The following NUP210 variants were observed in gnomAD, a reference collection of about 807,000 sequenced individuals.
The protein encoded by NUP210 is nuclear pore membrane glycoprotein 210.
NUP210 carries 151 observed loss-of-function variants against 196.0 expected under a neutral mutation model. The observed-to-expected ratio is 0.77, with a 90% CI of 0.67 to 0.88. The LOEUF is 0.88. Among genes scored for constraint, NUP210 ranks in the 40% least tolerant of loss-of-function variants. NUP210 has a pLI of 0.00. For synonymous variants in NUP210, 1,070 were observed against 1,052.7 expected, an observed-to-expected ratio of 1.02 and a Z score of -0.32; for missense variants, 2,314 against 2,493.7, an observed-to-expected ratio of 0.93 and a Z score of 1.53.
chr3:13,395,276 G>C (rs1699615075), intron 3 of NUP210, among the ~76,000 whole-genome samples: 1 of 152,194 alleles, frequency 6.6e-6, no homozygotes, highest in South Asian at 2.1e-4. Context: ...GGTTTAACTA[G>C]AACCACAAGG....
Position 13,323,464 on chromosome 3 carries a change from C to T in NUP210, c.4645-32G>A, listed in dbSNP as rs780811691. On this transcript the variant is annotated intron_variant, in intron 33 of 39. Transcript: ENST00000254508. The surrounding 1 kb of genome is among the most constrained non-coding windows in gnomAD (Gnocchi z 4.3). ...AGGGAGCCAAGGAAGCTTCATGGAGCGCCGCCTGTGTCCCGGTCCATGCTG... is the reference window on the plus strand; with the variant it reads ...AGGGAGCCAAGGAAGCTTCATGGAGTGCCGCCTGTGTCCCGGTCCATGCTG... The T allele has an allele frequency of 5.2e-5, 84 of 1,612,558 alleles. No homozygotes were observed. Among genetic ancestry groups the T allele is most frequent in the East Asian group, 6.7e-5 (3 of 44,870 alleles).
At chr3:13,354,302 C>G in intron 16 of NUP210, 195 bp from the exon 17 acceptor site, 3 of 589,248 alleles carry the variant, frequency 5.1e-6, no homozygotes, top group Non-Finnish European at 9.1e-6. Flanking sequence ...AAGCTGGCCT[C>G]TGGCTCCAGA....
chr3:13,350,324 G>A lies in NUP210; in HGVS notation c.2835+1555C>T, dbSNP rs1697923677. On this transcript the variant is annotated intron_variant, in intron 20 of 39. Transcript: ENST00000254508. The surrounding 1 kb of genome is among the most constrained non-coding windows in gnomAD (Gnocchi z 4.1). Reference sequence around the variant, plus strand: ...AATAACAAGGCCAGTCACTAAAGAAGTAAACAAGCAAATAATAATAACAAG... The same window carrying A: ...AATAACAAGGCCAGTCACTAAAGAAATAAACAAGCAAATAATAATAACAAG... 6.6e-6 allele frequency among the ~76,000 whole-genome samples: 1 copy of A among 152,054 alleles called. No individual in the cohort carries two copies. Among genetic ancestry groups the A allele is most frequent in the South Asian group, 2.1e-4 (1 of 4,818 alleles).
intron 11 of NUP210, 108 bp from the exon 12 acceptor site, chr3:13,373,981 C>T: frequency 3.2e-6 from 4 of 1,260,732 alleles, no homozygotes; most frequent in Non-Finnish European, 4.5e-6. Flanking sequence ...CACTCATACA[C>T]ATTTATCCTC....
At chr3:13,318,443 C>T (rs1279023380) in intron 39 of NUP210, among the ~76,000 whole-genome samples, 4 of 152,272 alleles carry the variant, frequency 2.6e-5, no homozygotes, top group South Asian at 2.1e-4. Context: ...CCCCTGAAGC[C>T]GGTCCATGGG....
intron 16 of NUP210, among the ~76,000 whole-genome samples, chr3:13,355,447 C>A (rs1663810663): frequency 6.6e-6 from 1 of 152,192 alleles, no homozygotes; most frequent in Admixed American, 6.5e-5. Flanking sequence ...CACAATGACA[C>A]AAAGCAGGTC....
intron 16 of NUP210, among the ~76,000 whole-genome samples, chr3:13,355,091 T>A (rs558774767): frequency 2.6e-5 from 4 of 152,346 alleles, no homozygotes; most frequent in Non-Finnish European, 5.9e-5. Flanking sequence ...GAGCCTCAGT[T>A]TCTCCAGCTA....
chr3:13,375,723 C>T (rs1352069201), intron 10 of NUP210, 82 bp from the exon 11 acceptor site: 2 of 1,457,000 alleles, frequency 1.4e-6, no homozygotes, highest in Non-Finnish European at 1.9e-6. Flanking sequence ...CCCCACCCCT[C>T]CCTGGGGATC....
chr3:13,328,382 C>G (rs1011502474), intron 31 of NUP210, among the ~76,000 whole-genome samples: 1 of 152,242 alleles, frequency 6.6e-6, no homozygotes, highest in Non-Finnish European at 1.5e-5. Flanking sequence ...ACTCTAAACC[C>G]CAGTTCTTTC....
intron 6 of NUP210, among the ~76,000 whole-genome samples, chr3:13,380,092 C>T (rs1038013614): frequency 6.6e-6 from 1 of 152,160 alleles, no homozygotes; most frequent in Non-Finnish European, 1.5e-5. Context: ...TCCGTCCAGC[C>T]TCTAGGGGTT....
In NUP210 at chr3:13,323,453, G is replaced by A; in HGVS notation, c.4645-21C>T. The A allele has an allele frequency of 1.2e-6, 2 of 1,613,350 alleles. No homozygotes were observed. Among genetic ancestry groups the A allele is most frequent in the African/African-American group, 1.3e-5 (1 of 75,026 alleles). ...ACCACCTAGAGAGGGAGCCAAGGAA[G>A]CTTCATGGAGCGCCGCCTGTGTCCC... On this transcript the variant is annotated intron_variant, in intron 33 of 39. Transcript: ENST00000254508. The surrounding 1 kb of genome is among the most constrained non-coding windows in gnomAD (Gnocchi z 4.3).
At chr3:13,407,314 A>G (rs1281183121) in intron 1 of NUP210, among the ~76,000 whole-genome samples, 1 of 152,132 alleles carries the variant, frequency 6.6e-6, no homozygotes, top group African/African-American at 2.4e-5. Context: ...ATGCAGGAGG[A>G]TGGCTTGAGC....
rs950581802 is a variant in NUP210 at position 13,402,677 on chromosome 3, T to A, written c.168-2816A>T. 4.0e-5 allele frequency among the ~76,000 whole-genome samples: 6 copies of A among 151,676 alleles called. 1 individual carries two copies. The highest frequency in any genetic ancestry group is 1.5e-4 in the African/African-American group (6 of 41,036). On this transcript the variant is annotated intron_variant, in intron 1 of 39. Transcript: ENST00000254508. The stretch of plus-strand genomic sequence containing the variant: ...CTGAGATAGCCCTGCACAACAGACG[T>A]GTAACACAGGCCACGTTTTCATTTT...
intron 33 of NUP210, among the ~76,000 whole-genome samples, chr3:13,324,291 C>CTGCACTCCTGGAGTGCCCG (rs1576342053): frequency 2.0e-5 from 3 of 152,068 alleles, no homozygotes; most frequent in South Asian, 2.1e-4. Context: ...CCTCTCCTGC[C>CTGCACTCCTGGAGTGCCCG]TGCACTCCTG....
In NUP210 at chr3:13,323,998, C is replaced by T. The variant is rs974899910; in HGVS notation, c.4645-566G>A. On this transcript the variant is annotated intron_variant, in intron 33 of 39. Transcript: ENST00000254508. The surrounding 1 kb of genome is among the most constrained non-coding windows in gnomAD (Gnocchi z 4.3). ...CCCTCCCTCTCTCAGCAGGCACCAG[C>T]GCTCCCTGCCTCCAGGAGATCTGAT... Among the ~76,000 whole-genome samples the T allele has an allele frequency of 5.3e-5, 8 of 152,186 alleles. No homozygotes were observed. The highest frequency in any genetic ancestry group is 1.7e-4 in the African/African-American group (7 of 41,442).
chr3:13,401,259 C>CAA (rs71066952), intron 1 of NUP210, among the ~76,000 whole-genome samples: 18 of 43,824 alleles, frequency 4.1e-4, no homozygotes, highest in African/African-American at 1.2e-3. Context: ...GACTCTGGCT[C>CAA]AAAAAAAAAA....
chr3:13,377,262 G>T (rs1368061905), intron 9 of NUP210, among the ~76,000 whole-genome samples, 194 bp downstream of exon 9: 1 of 152,162 alleles, frequency 6.6e-6, no homozygotes, highest in East Asian at 1.9e-4. Context: ...CGGTGTGCAG[G>T]CTCACAGGCT....
chr3:13,323,417 G>A lies in NUP210; in HGVS notation c.4660C>T (p.Pro1554Ser), dbSNP rs1360875030. ...RTYKEVVVSV[P>S]QRIMARHLHP... Reference sequence around the variant, plus strand: ...AGGTGACGGGCCATGATCCTCTGAGGGACGCTGACCACCACCTAGAGAGGG... The same window carrying A: ...AGGTGACGGGCCATGATCCTCTGAGAGACGCTGACCACCACCTAGAGAGGG... The change falls in exon 34 of 40, where the codon CCT (proline) becomes TCT (serine). Residue 1554 changes from proline (P) to serine (S), a missense_variant. Pro to Ser is a moderately conservative substitution (Grantham distance 74, BLOSUM62 -1). Coordinates refer to ENST00000254508, the MANE Select transcript of NUP210 (RefSeq NM_024923.4). This position sits in a 1 kb window ranked among gnomAD's most constrained non-coding sequence, Gnocchi z 4.3. 2 of 1,614,080 alleles carry A rather than the reference G, an allele frequency of 1.2e-6. No individual in the cohort carries two copies. Among genetic ancestry groups the A allele is most frequent in the Non-Finnish European group, 1.7e-6 (2 of 1,179,996 alleles).
At chr3:13,322,605 A>T (rs1696586038) in intron 34 of NUP210, among the ~76,000 whole-genome samples, 1 of 152,270 alleles carries the variant, frequency 6.6e-6, no homozygotes. Flanking sequence ...ATCCAGGGGC[A>T]CGGCAGACGG....
Sources: allele counts gnomAD v4.1 joint callset (sites outside exome capture counted in the v4.1 genomes callset), GRCh38; gene constraint gnomAD v4.1.1; non-coding constraint Gnocchi (gnomAD v3.1); transcripts MANE v1.5; gene names NCBI Gene and HGNC (gene_info 2026-07-23, HGNC 2026-07-21).